The following NRXN1 variants were observed in gnomAD, a reference collection of about 807,000 sequenced individuals.
The protein encoded by NRXN1 is neurexin 1, also known as neurexin-1.
A neutral mutation model predicts 150.9 loss-of-function variants in NRXN1; 39 were observed. The ratio of observed to expected loss-of-function variants is 0.26; its 90% CI spans 0.20 to 0.34. The LOEUF (loss-of-function observed/expected upper bound fraction) is 0.34. Among genes scored for constraint, NRXN1 ranks in the 10% least tolerant of loss-of-function variants. The pLI is 1.00. For missense variants in NRXN1, 1,815 were observed against 1,949.9 expected (o/e 0.93, Z 1.30); for synonymous variants, 924 against 757.0 (o/e 1.22, Z -3.62).
Position 51,027,983 on chromosome 2 carries a change from G to A in NRXN1, c.291C>T (p.Cys97=), listed in dbSNP as rs973639826. ...CGGCCAGGAGCGTCGCAGGCTCAGCGCAGAAGATGGAGAAGCTGAGCTGCA... is the reference window on the plus strand; with the variant it reads ...CGGCCAGGAGCGTCGCAGGCTCAGCACAGAAGATGGAGAAGCTGAGCTGCA... ...GRLQLSFSIF[C]AEPATLLADT... Residue 97 remains cysteine, a synonymous_variant, in exon 2 of 23, where the codon TGC becomes TGT. Transcript: ENST00000401669. The A allele has an allele frequency of 6.2e-7, 1 of 1,601,268 alleles. No homozygotes were observed. Among genetic ancestry groups the A allele is most frequent in the Admixed American group, 1.7e-5 (1 of 59,900 alleles).
chr2:50,844,661 G>C (rs544551347), intron 5 of NRXN1, among the ~76,000 whole-genome samples: 1 of 152,276 alleles, frequency 6.6e-6, no homozygotes, highest in African/African-American at 2.4e-5. Flanking sequence ...CCTTCCTGAA[G>C]GAAATTTAAC....
chr2:50,278,255 T>TTATATATATTA (rs1553368389), intron 17 of NRXN1, among the ~76,000 whole-genome samples: 16 of 112,548 alleles, frequency 1.4e-4, no homozygotes, highest in South Asian at 4.9e-4. Context: ...TATATATATA[T>TTATATATATTA]TATATATATT....
intron 5 of NRXN1, among the ~76,000 whole-genome samples, chr2:50,833,395 T>C (rs903303363): frequency 8.5e-5 from 13 of 152,182 alleles, no homozygotes; most frequent in African/African-American, 2.9e-4. Flanking sequence ...TTTACAGTTG[T>C]TCTATTTATA....
At chr2:50,509,687 T>C (rs566996006) in intron 12 of NRXN1, among the ~76,000 whole-genome samples, 2 of 152,208 alleles carry the variant, frequency 1.3e-5, no homozygotes, top group East Asian at 1.9e-4. Context: ...ATAATTTTAA[T>C]GGCAAAATTA....
chr2:50,414,622 A>G (rs1397422200), intron 17 of NRXN1, among the ~76,000 whole-genome samples: 1 of 152,008 alleles, frequency 6.6e-6, no homozygotes, highest in Non-Finnish European at 1.5e-5. Flanking sequence ...ATCCTTCTTA[A>G]TTCATACTAA....
intron 18 of NRXN1, among the ~76,000 whole-genome samples, chr2:50,140,954 T>A (rs936414565): frequency 3.9e-5 from 6 of 152,104 alleles, no homozygotes; most frequent in African/African-American, 1.2e-4. Context: ...CATATGTATA[T>A]ACGTATAATT....
intron 18 of NRXN1, among the ~76,000 whole-genome samples, chr2:50,221,339 A>C (rs2063870908): frequency 6.6e-6 from 1 of 152,030 alleles, no homozygotes; most frequent in South Asian, 2.1e-4. Context: ...ACCATGTGTT[A>C]CCACAGCAAG....
At chr2:50,789,910 A>T (rs909215215) in intron 5 of NRXN1, among the ~76,000 whole-genome samples, 1 of 152,184 alleles carries the variant, frequency 6.6e-6, no homozygotes, top group African/African-American at 2.4e-5. Flanking sequence ...GAATTCCTCA[A>T]GTCCTACGTT....
intron 5 of NRXN1, among the ~76,000 whole-genome samples, chr2:50,760,762 C>G (rs1701713422): frequency 6.6e-6 from 1 of 151,746 alleles, no homozygotes; most frequent in Non-Finnish European, 1.5e-5. Flanking sequence ...GTGGGTGTGT[C>G]TTGATGGGAA....
chr2:50,465,340 T>C, intron 17 of NRXN1, 102 bp downstream of exon 17: 1 of 1,179,076 alleles, frequency 8.5e-7, no homozygotes, highest in Non-Finnish European at 1.1e-6. Flanking sequence ...ACAGTTCGAC[T>C]GACTCAGAGT....
chr2:50,737,577 T>C (rs1698921224), intron 5 of NRXN1, among the ~76,000 whole-genome samples: 1 of 152,182 alleles, frequency 6.6e-6, no homozygotes, highest in Non-Finnish European at 1.5e-5. Context: ...ATAGCATTAG[T>C]AGTGTCTAAA....
intron 17 of NRXN1, among the ~76,000 whole-genome samples, chr2:50,304,351 T>A (rs138585717): frequency 1.2e-4 from 18 of 152,332 alleles, no homozygotes; most frequent in Admixed American, 2.6e-4. Context: ...TTGAAGATTT[T>A]CTGGGCTCTC....
intron 2 of NRXN1, among the ~76,000 whole-genome samples, chr2:50,947,285 A>G (rs1690551497): frequency 6.6e-6 from 1 of 152,068 alleles, no homozygotes; most frequent in African/African-American, 2.4e-5. Flanking sequence ...TACGCATTCA[A>G]TAAATGTTTG....
At chr2:50,713,426 G>C (rs1419247407) in intron 5 of NRXN1, among the ~76,000 whole-genome samples, 1 of 151,926 alleles carries the variant, frequency 6.6e-6, no homozygotes, top group Non-Finnish European at 1.5e-5. Context: ...GCCTTTTAAC[G>C]ATAACATTTT....
intron 18 of NRXN1, among the ~76,000 whole-genome samples, chr2:50,176,837 T>A (rs1043825268): frequency 3.9e-5 from 6 of 152,090 alleles, no homozygotes; most frequent in Non-Finnish European, 8.8e-5. Flanking sequence ...TAAGGCTCTG[T>A]TTCCTAGAAA....
At chr2:50,185,707 G>A (rs899910367) in intron 18 of NRXN1, 2 of 151,726 alleles carry the variant, frequency 1.3e-5, no homozygotes, top group African/African-American at 4.8e-5. Flanking sequence ...ATCATCACAG[G>A]GATTAAAGCC....
chr2:51,008,127 G>T (rs1209970566), intron 2 of NRXN1, among the ~76,000 whole-genome samples: 1 of 151,952 alleles, frequency 6.6e-6, no homozygotes. Context: ...GTATCATTTG[G>T]TTGGGAAATA....
chr2:50,356,788 G>T (rs1368017689), intron 17 of NRXN1, among the ~76,000 whole-genome samples: 1 of 152,010 alleles, frequency 6.6e-6, no homozygotes, highest in South Asian at 2.1e-4. Context: ...TATTTAACAC[G>T]ACAGGTATTA....
chr2:50,515,269 T>A (rs908395685), intron 12 of NRXN1, among the ~76,000 whole-genome samples: 3 of 152,184 alleles, frequency 2.0e-5, no homozygotes, highest in African/African-American at 7.2e-5. Context: ...TACCCTCAGA[T>A]GAGACTCTCT....
Sources: allele counts gnomAD v4.1 joint callset (sites outside exome capture counted in the v4.1 genomes callset), GRCh38; gene constraint gnomAD v4.1.1; transcripts MANE v1.5; gene names NCBI Gene and HGNC (gene_info 2026-07-23, HGNC 2026-07-21).